Variants in ZNF469 observed in about 807,000 individuals in gnomAD.
ZNF469 encodes zinc finger protein 469.
In ZNF469, 1 loss-of-function variant was observed where a neutral mutation model predicts 1.0. That is an observed-to-expected ratio of 1.00 (90% confidence interval 0.35 to 4.73). The LOEUF (loss-of-function observed/expected upper bound fraction) is 4.73. Among genes scored for constraint, ZNF469 ranks in the 30% most tolerant of loss-of-function variants. The pLI is 0.16. For missense variants in ZNF469, 6,100 were observed against 5,356.3 expected, an observed-to-expected ratio of 1.14 and a Z score of -4.33; for synonymous variants, 2,703 against 2,363.4, an observed-to-expected ratio of 1.14 and a Z score of -4.17.
chr16:88,436,245 G>A lies in ZNF469; in HGVS notation c.8775G>A (p.Pro2925=), dbSNP rs188044647. The A allele has an allele frequency of 2.5e-5, 39 of 1,549,644 alleles. 1 individual carries two copies. Among genetic ancestry groups the A allele is most frequent in the Admixed American group, 9.8e-5 (5 of 51,014 alleles). ...SSSLCLCHED[P]WEDEDPAGLP... is the part of the protein sequence containing the mutation. ...CCCTCTGCCTCTGCCATGAGGACCC[G>A]TGGGAGGACGAGGATCCCGCAGGTC... The change falls in exon 3 of 3, where the codon CCG becomes CCA. Residue 2925 remains proline, a synonymous_variant. Coordinates refer to ENST00000565624, the MANE Select transcript of ZNF469 (RefSeq NM_001367624.2).
chr16:88,438,691 G>A lies in ZNF469; in HGVS notation c.11221G>A (p.Gly3741Ser), dbSNP rs745385522. ...SSQGSGSPRPGTKTGGGSQPQ... is the reference protein window; with the variant it reads ...SSQGSGSPRPSTKTGGGSQPQ... ...CCAGGGCAGTGGAAGCCCTCGCCCC[G>A]GCACCAAGACAGGAGGTGGCAGCCA... Residue 3741 changes from glycine to serine, a missense_variant, in exon 3 of 3, where the codon GGC (glycine) becomes AGC (serine). By Grantham distance (56) the Gly-to-Ser change is moderately conservative (BLOSUM62 0). Coordinates refer to ENST00000565624, the MANE Select transcript of ZNF469 (RefSeq NM_001367624.2). 81 of 1,549,872 alleles carry A rather than the reference G, an allele frequency of 5.2e-5. No individual in the cohort carries two copies. Among genetic ancestry groups the A allele is most frequent in the African/African-American group, 1.2e-4 (9 of 72,994 alleles).
chr16:88,290,499 G>C, the ZNF469 span, among the ~76,000 whole-genome samples: 1 of 152,154 alleles, frequency 6.6e-6, no homozygotes, highest in Non-Finnish European at 1.5e-5. Flanking sequence ...CACACAATTC[G>C]AGATGTTAGT....
At chr16:88,308,706 G>A in the ZNF469 span, among the ~76,000 whole-genome samples, 7 of 152,242 alleles carry the variant, frequency 4.6e-5, no homozygotes, top group African/African-American at 1.7e-4. Context: ...ACCTCCATGA[G>A]GTCCATGGGA....
chr16:88,120,678 C>A, the ZNF469 span, among the ~76,000 whole-genome samples: 2 of 152,228 alleles, frequency 1.3e-5, no homozygotes, highest in Non-Finnish European at 2.9e-5. Flanking sequence ...GGGCGGGCCT[C>A]ACTGCACCGG....
chr16:88,282,885 C>G, the ZNF469 span, among the ~76,000 whole-genome samples: 1 of 152,166 alleles, frequency 6.6e-6, no homozygotes, highest in East Asian at 1.9e-4. Flanking sequence ...ACAGGGAGTG[C>G]AGCATTCTGG....
At chr16:88,184,239 G>A in the ZNF469 span, among the ~76,000 whole-genome samples, 1 of 152,102 alleles carries the variant, frequency 6.6e-6, no homozygotes, top group African/African-American at 2.4e-5. Flanking sequence ...ACCACAGGCC[G>A]AATTCCGGGG....
chr16:88,407,653 A>G (rs994423251), intron 1 of ZNF469, among the ~76,000 whole-genome samples: 1 of 152,214 alleles, frequency 6.6e-6, no homozygotes, highest in African/African-American at 2.4e-5. Flanking sequence ...CATGTGGCAG[A>G]GCCTGGGTTC....
chr16:88,315,150 G>A, the ZNF469 span, among the ~76,000 whole-genome samples: 1 of 152,234 alleles, frequency 6.6e-6, no homozygotes, highest in Non-Finnish European at 1.5e-5. Flanking sequence ...AGAGCCAGGG[G>A]CAGGAAGGTC....
chr16:88,327,843 TC>T, the ZNF469 span, among the ~76,000 whole-genome samples: 46 of 152,154 alleles, frequency 3.0e-4, no homozygotes, highest in African/African-American at 1.1e-3. Context: ...ACCGGCCGGA[TC>T]CCGAGTTCAG....
the ZNF469 span, among the ~76,000 whole-genome samples, chr16:88,143,575 G>T: frequency 1.3e-5 from 2 of 152,016 alleles, no homozygotes; most frequent in Admixed American, 1.3e-4. Flanking sequence ...TCTCCCTGCA[G>T]CAGGAGAAGA....
chr16:88,301,897 G>A, the ZNF469 span, among the ~76,000 whole-genome samples: 1 of 152,188 alleles, frequency 6.6e-6, no homozygotes, highest in Admixed American at 6.5e-5. Flanking sequence ...TGACAGTCCT[G>A]ATGACTGTTA....
At chr16:88,334,108 G>GTGTGTC in the ZNF469 span, among the ~76,000 whole-genome samples, 1 of 152,004 alleles carries the variant, frequency 6.6e-6, no homozygotes, top group Non-Finnish European at 1.5e-5. Context: ...GTCTGTGTCT[G>GTGTGTC]TGTGTCTGTG....
chr16:88,259,589 T>C, the ZNF469 span, among the ~76,000 whole-genome samples: 1 of 152,166 alleles, frequency 6.6e-6, no homozygotes, highest in African/African-American at 2.4e-5. The surrounding 1 kb of genome is among the most constrained non-coding windows in gnomAD (Gnocchi z 4.1). Context: ...AGGGGTTCCC[T>C]GGGACCCCAG....
In ZNF469 at chr16:88,429,062, G is replaced by C; in HGVS notation, c.1592G>C (p.Arg531Thr). Residue 531 changes from arginine (R) to threonine (T), a missense_variant, in exon 3 of 3, where the codon AGA (arginine) becomes ACA (threonine). Arg to Thr is a moderately conservative substitution (Grantham distance 71, BLOSUM62 -1). Coordinates refer to ENST00000565624, the MANE Select transcript of ZNF469 (RefSeq NM_001367624.2). ...ACTGCTGGCAAGACACCGGGACCCA[G>C]AGAGAAGCTGCCAGCCGTGAGAAGC... is the stretch of plus-strand genomic sequence containing the variant. ...LGTAGKTPGP[R>T]EKLPAVRSSQ... The C allele has an allele frequency of 6.5e-7, 1 of 1,549,990 alleles. No individual in the cohort carries two copies. Among genetic ancestry groups the C allele is most frequent in the African/African-American group, 1.4e-5 (1 of 73,142 alleles).
the ZNF469 span, among the ~76,000 whole-genome samples, chr16:88,331,152 ATTACCATCATC>A: frequency 6.6e-6 from 1 of 150,566 alleles, no homozygotes; most frequent in African/African-American, 2.5e-5. Context: ...CACCATCACT[ATTACCATCATC>A]ACCATCATTA....
At chr16:88,307,165 G>A in the ZNF469 span, among the ~76,000 whole-genome samples, 1 of 152,204 alleles carries the variant, frequency 6.6e-6, no homozygotes, top group Non-Finnish European at 1.5e-5. Flanking sequence ...CCCACACTGG[G>A]GTGTGTGTCA....
chr16:88,122,498 C>T, the ZNF469 span, among the ~76,000 whole-genome samples: 31 of 151,494 alleles, frequency 2.0e-4, no homozygotes, highest in Middle Eastern at 3.4e-3. Flanking sequence ...GCTATGGCCA[C>T]GGCGGCCACT....
Position 88,431,094 on chromosome 16 carries a change from C to T in ZNF469, c.3624C>T (p.Asn1208=). The T allele has an allele frequency of 6.5e-7, 1 of 1,550,294 alleles. No individual in the cohort carries two copies. The highest frequency in any genetic ancestry group is 8.7e-7 in the Non-Finnish European group (1 of 1,146,944). The change falls in exon 3 of 3, where the codon AAC becomes AAT. Residue 1208 remains asparagine, a synonymous_variant. Coordinates refer to ENST00000565624, the MANE Select transcript of ZNF469 (RefSeq NM_001367624.2). The part of the protein sequence containing the change: ...APKDPLQVPT[N]TETSEETRPS... ...AGGATCCCCTGCAGGTCCCCACCAA[C>T]ACCGAGACCTCAGAGGAAACCCGCC... is the stretch of plus-strand genomic sequence containing the variant.
At chr16:88,378,855 AT>A (rs2092514881), upstream of ZNF469, among the ~76,000 whole-genome samples, 1 of 152,210 alleles carries the variant, frequency 6.6e-6, no homozygotes, top group African/African-American at 2.4e-5. Flanking sequence ...AACGTCCCAC[AT>A]GCCACATCTC....
Sources: allele counts gnomAD v4.1 joint callset (sites outside exome capture counted in the v4.1 genomes callset), GRCh38; gene constraint gnomAD v4.1.1; non-coding constraint Gnocchi (gnomAD v3.1); transcripts MANE v1.5; gene names NCBI Gene and HGNC (gene_info 2026-07-23, HGNC 2026-07-21).